Variants in ARL10 observed in about 807,000 individuals in gnomAD.
ARL10 encodes ADP-ribosylation factor-like protein 10.
ARL10 carries 23 observed loss-of-function variants against 26.1 expected under a neutral mutation model. That is an observed-to-expected ratio of 0.88 (90% confidence interval 0.63 to 1.25). The LOEUF (loss-of-function observed/expected upper bound fraction) is 1.25. ARL10 is among the 50% of genes most tolerant of loss of function. ARL10 has a pLI of 0.00. For synonymous variants in ARL10, 138 were observed against 149.1 expected (o/e 0.93, Z 0.54); for missense variants, 300 against 323.6 (o/e 0.93, Z 0.56).
At position 176,394,488 on chromosome 5, in the gene ARL10, A is replaced by G. The variant is rs565965603; in HGVS notation, c.134-7253A>G. ...GGAGTTCGAGACCTGCCTGGCCAAC[A>G]TGGTGAAACCCCATCTCTACTAAAA... is the stretch of plus-strand genomic sequence containing the variant. On this transcript the variant is annotated intron_variant, in intron 1 of 1. Transcript: ENST00000514533. Among the ~76,000 whole-genome samples the G allele has an allele frequency of 8.6e-5, 13 of 152,036 alleles. No individual in the cohort carries two copies. In the South Asian group the frequency reaches 1.9e-3, roughly 22 times the overall value.
chr5:176,388,145 G>C, intron 1 of ARL10: 1 of 965,582 alleles, frequency 1.0e-6, no homozygotes, highest in Non-Finnish European at 1.6e-6. Context: ...CCTGAGGGAA[G>C]GAATGGGCAG....
downstream of ARL10, chr5:176,406,446 A>G (rs1232961223): frequency 3.7e-5 from 43 of 1,176,840 alleles, no homozygotes; most frequent in Non-Finnish European, 4.5e-5. Flanking sequence ...CAAGAGGATG[A>G]GCCACATCCT....
chr5:176,397,205 T>G (rs1756564671), intron 1 of ARL10, among the ~76,000 whole-genome samples: 1 of 152,108 alleles, frequency 6.6e-6, no homozygotes. Context: ...GAAGGGTAGC[T>G]TCCCAGAACA....
At chr5:176,387,024 A>G (rs1374615518) in intron 1 of ARL10, 7 of 837,806 alleles carry the variant, frequency 8.4e-6, no homozygotes, top group East Asian at 2.5e-5. Context: ...ACGGTTAGGT[A>G]GAAGTAGGTA....
chr5:176,414,540 A>G, the ARL10 span, among the ~76,000 whole-genome samples: 1 of 151,040 alleles, frequency 6.6e-6, no homozygotes. Flanking sequence ...GGCTCAAGCT[A>G]TGCTCCTGCC....
the ARL10 span, among the ~76,000 whole-genome samples, chr5:176,409,434 A>G: frequency 2.7e-5 from 3 of 113,020 alleles, no homozygotes; most frequent in South Asian, 2.6e-4. Context: ...TTTTTTTCAG[A>G]CAGAGTTTCA....
At position 176,372,281 on chromosome 5, in the gene ARL10, C is replaced by G. The variant is rs953385400; in HGVS notation, c.*386C>G. 1 of 221,098 alleles carries G rather than the reference C, an allele frequency of 4.5e-6. No individual in the cohort carries two copies. Among genetic ancestry groups the G allele is most frequent in the Non-Finnish European group, 8.6e-6 (1 of 116,812 alleles). The allele number at this position is 221,098 out of a possible 1,614,324, so 13.7% of individuals were successfully genotyped here. On this transcript the variant is annotated 3_prime_UTR_variant, in exon 4 of 4. Coordinates refer to ENST00000310389, the MANE Select transcript of ARL10 (RefSeq NM_173664.6). ...AAATACTCCTAGAGCCTCAAGGTCT[C>G]CCAGTCCAGAAACAGTCTGGTGACG...
the ARL10 span, among the ~76,000 whole-genome samples, chr5:176,408,085 G>A: frequency 1.3e-5 from 2 of 152,106 alleles, no homozygotes. Flanking sequence ...CTGGGGGGCC[G>A]AGGTGAGGAC....
In ARL10 at chr5:176,388,469, CG is replaced by C; in HGVS notation, c.213del (p.Phe72SerfsTer6). The stretch of plus-strand genomic sequence containing the variant: ...CGGCGCTGCCTTCCGTCGAGCATTC[CG>C]GTTCAGACGCTTTCGGTTGACACTG... On this transcript the variant is annotated frameshift_variant, in exon 2 of 2. Transcript: ENST00000503175. LOFTEE classifies it high-confidence loss of function. 1 of 1,614,248 alleles carries C rather than the reference CG, an allele frequency of 6.2e-7. No homozygotes were observed. The highest frequency in any genetic ancestry group is 8.5e-7 in the Non-Finnish European group (1 of 1,180,050).
intron 3 of ARL10, among the ~76,000 whole-genome samples, chr5:176,371,243 C>CGGG (rs1561773875): frequency 2.0e-5 from 3 of 149,472 alleles, no homozygotes; most frequent in East Asian, 3.9e-4. Flanking sequence ...GGCGTGGTGG[C>CGGG]TCACACCTGT....
At chr5:176,398,723 CAAATAAAAATAAA>C (rs1561793417) in intron 1 of ARL10, among the ~76,000 whole-genome samples, 1 of 151,974 alleles carries the variant, frequency 6.6e-6, no homozygotes, top group East Asian at 1.9e-4. Context: ...AAAAAATAAA[CAAATAAAAATAAA>C]AAATAAAAAT....
the ARL10 span, chr5:176,410,161 G>A: frequency 1.8e-6 from 2 of 1,084,754 alleles, no homozygotes; most frequent in South Asian, 2.7e-5. Flanking sequence ...TAATGAACAG[G>A]AGAACCTGGA....
rs1283969687 is a variant in ARL10 at position 176,378,373 on chromosome 5, T to C, written c.*6478T>C. On this transcript the variant is annotated 3_prime_UTR_variant, in exon 4 of 4. Coordinates refer to ENST00000310389, the MANE Select transcript of ARL10 (RefSeq NM_173664.6). ...GCTTCAATCTTATAAGAATTTGTTA[T>C]TTATTTTTCACCTTTACTCAAGATA... The C allele has an allele frequency of 6.6e-6, 1 of 152,262 alleles. No homozygotes were observed. The highest frequency in any genetic ancestry group is 1.5e-5 in the Non-Finnish European group (1 of 68,052). 9.4% of individuals were successfully genotyped at this position (152,262 alleles called of 1,614,324 possible). A position where few individuals can be genotyped will look rare whatever the true frequency, so the allele number is the denominator to read the frequency against.
In ARL10 at chr5:176,398,961, GCCT is replaced by G. The variant is rs1415843568; in HGVS notation, c.134-2776_134-2774del. ...AGGTTCAAGCGATTTTCCTACCTCA[GCCT>G]CCTGAGTAGCTGGGATTACAGGCAC... On this transcript the variant is annotated intron_variant, in intron 1 of 1. Coordinates refer to the ARL10 transcript ENST00000514533. Among the ~76,000 whole-genome samples the G allele has an allele frequency of 2.0e-5, 3 of 151,878 alleles. No homozygotes were observed. The East Asian group carries it at 5.9e-4, about 30-fold the overall frequency.
At chr5:176,413,539 G>A in the ARL10 span, among the ~76,000 whole-genome samples, 1 of 152,210 alleles carries the variant, frequency 6.6e-6, no homozygotes, top group Admixed American at 6.5e-5. Context: ...TTCCCCAGGG[G>A]CAACTGAGCC....
In ARL10 at chr5:176,379,903, G is replaced by A. The variant is rs1444231895; in HGVS notation, c.*8008G>A. The A allele has an allele frequency of 6.6e-6, 1 of 152,078 alleles. No homozygotes were observed. The highest frequency in any genetic ancestry group is 1.5e-5 in the Non-Finnish European group (1 of 68,022). 9.4% of individuals were successfully genotyped at this position (152,078 alleles called of 1,614,324 possible). On this transcript the variant is annotated 3_prime_UTR_variant, in exon 4 of 4. Coordinates refer to ENST00000310389, the MANE Select transcript of ARL10 (RefSeq NM_173664.6). ...TTCACCAGTATCATGTGAATAAATT[G>A]GTAAAGATTAGAGAGTCCTGAATCA...
At chr5:176,384,214 G>T, downstream of ARL10, 1 of 1,614,182 alleles carries the variant, frequency 6.2e-7, no homozygotes, top group Non-Finnish European at 8.5e-7. Flanking sequence ...GCCTGGGGCA[G>T]CTGTGATGTA....
At position 176,368,734 on chromosome 5, in the gene ARL10, G is replaced by A. The variant is rs1233804971; in HGVS notation, c.386-73G>A. 1.3e-5 allele frequency: 18 copies of A among 1,430,256 alleles called. No individual in the cohort carries two copies. The highest frequency in any genetic ancestry group is 9.7e-5 in the South Asian group (7 of 71,918). 88.6% of individuals were successfully genotyped at this position (1,430,256 alleles called of 1,614,324 possible). On this transcript the variant is annotated intron_variant, in intron 2 of 3. Transcript: ENST00000310389. The surrounding 1 kb of genome is among the most constrained non-coding windows in gnomAD (Gnocchi z 4.1). Reference sequence around the variant, plus strand: ...GGCTGTGGGCAGTGAGCGGGGGCCCGGGGTGGGGTGGGGGCTGTGGGCAGT... The same window carrying A: ...GGCTGTGGGCAGTGAGCGGGGGCCCAGGGTGGGGTGGGGGCTGTGGGCAGT...
At position 176,368,860 on chromosome 5, in the gene ARL10, G is replaced by C; in HGVS notation, c.439G>C (p.Asp147His). The part of the protein sequence containing the change: ...FYWKEFVSEV[D>H]VLVFVVDSAD... ...CTGGAAGGAGTTTGTGAGCGAGGTG[G>C]ATGTGCTGGTGTTTGTGGTGGACTC... is the stretch of plus-strand genomic sequence containing the variant. The change falls in exon 3 of 4, where the codon GAT becomes CAT. Residue 147 changes from aspartate to histidine, a missense_variant. Coordinates refer to ENST00000310389, the MANE Select transcript of ARL10 (RefSeq NM_173664.6). This position sits in a 1 kb window ranked among gnomAD's most constrained non-coding sequence, Gnocchi z 4.1. 6.2e-7 allele frequency: 1 copy of C among 1,614,188 alleles called. No individual in the cohort carries two copies. The highest frequency in any genetic ancestry group is 8.5e-7 in the Non-Finnish European group (1 of 1,180,030).
Sources: allele counts gnomAD v4.1 joint callset (sites outside exome capture counted in the v4.1 genomes callset), GRCh38; gene constraint gnomAD v4.1.1; non-coding constraint Gnocchi (gnomAD v3.1); transcripts MANE v1.5; gene names NCBI Gene and HGNC (gene_info 2026-07-23, HGNC 2026-07-21).